The following CSMD1 variants were observed in gnomAD, a reference collection of about 807,000 sequenced individuals.
CSMD1 encodes the protein CUB and sushi domain-containing protein 1.
Under a neutral mutation model 417.5 loss-of-function variants are expected in CSMD1, and 213 were observed. The ratio of observed to expected loss-of-function variants is 0.51; its 90% CI spans 0.46 to 0.57. The LOEUF is 0.57. Ranked by LOEUF, CSMD1 falls within the 20% of genes least tolerant of loss-of-function variation. The pLI is 0.00. For synonymous variants in CSMD1, 2,862 were observed against 1,736.8 expected (o/e 1.65, Z -16.11); for missense variants, 6,923 against 4,529.7 (o/e 1.53, Z -15.17).
intron 49 of CSMD1, among the ~76,000 whole-genome samples, chr8:3,079,809 A>AT (rs532715879): frequency 0.021 from 3,179 of 149,856 alleles, 91 homozygotes; most frequent in African/African-American, 0.068. Flanking sequence ...ATAATGAGGC[A>AT]TTTTTTTTTT....
chr8:4,224,258 C>A (rs1486536237), intron 3 of CSMD1, among the ~76,000 whole-genome samples: 3 of 151,902 alleles, frequency 2.0e-5, no homozygotes, highest in African/African-American at 4.8e-5. Context: ...TTTGAAAATG[C>A]TTGCACACGT....
chr8:3,575,872 A>G (rs1227034357), intron 9 of CSMD1, among the ~76,000 whole-genome samples: 2 of 151,722 alleles, frequency 1.3e-5, no homozygotes. Context: ...CAATACACAT[A>G]TTTTAGAAAT....
At chr8:3,069,742 T>C (rs982759638) in intron 49 of CSMD1, among the ~76,000 whole-genome samples, 1 of 152,146 alleles carries the variant, frequency 6.6e-6, no homozygotes, top group Non-Finnish European at 1.5e-5. Flanking sequence ...AGTGATCCCT[T>C]CTCACAGCTC....
Position 4,551,575 on chromosome 8 carries a change from C to G in CSMD1, c.302+85767G>C, listed in dbSNP as rs550241351. On this transcript the variant is annotated intron_variant, in intron 2 of 69. Coordinates refer to ENST00000635120, the MANE Select transcript of CSMD1 (RefSeq NM_033225.6). ...GACTCTCTGCAGGTTCCAGGCACCA[C>G]CATGTCACCCCACACTCAAGATGCT... 7.2e-5 allele frequency among the ~76,000 whole-genome samples: 11 copies of G among 152,310 alleles called. 1 individual carries two copies. The South Asian group carries it at 1.7e-3, about 23-fold the overall frequency.
chr8:3,747,544 G>T lies in CSMD1; in HGVS notation c.931+6386C>A, dbSNP rs75548690. 4.9e-3 allele frequency among the ~76,000 whole-genome samples: 744 copies of T among 150,462 alleles called. 2 individuals are homozygous for T. Among genetic ancestry groups the T allele is most frequent in the Admixed American group, 8.6e-3 (130 of 15,092 alleles). ...ATTGTATGTGAGAGTCATCCATGTC[G>T]TTACATGTAGAGGCAGTTTGTCTCT... is the stretch of plus-strand genomic sequence containing the variant. On this transcript the variant is annotated intron_variant, in intron 6 of 69. Transcript: ENST00000635120.
chr8:4,805,259 T>C (rs1798522206), intron 1 of CSMD1, among the ~76,000 whole-genome samples: 1 of 152,248 alleles, frequency 6.6e-6, no homozygotes, highest in Non-Finnish European at 1.5e-5. Context: ...TGTCCATCTC[T>C]TTCATGGATG....
At chr8:4,897,477 T>A (rs1804573620) in intron 1 of CSMD1, among the ~76,000 whole-genome samples, 1 of 152,054 alleles carries the variant, frequency 6.6e-6, no homozygotes, top group African/African-American at 2.4e-5. Flanking sequence ...AAGGAGTGGT[T>A]TGGGTTGCTG....
Position 3,319,645 on chromosome 8 carries a change from A to G in CSMD1, c.3632-11142T>C, listed in dbSNP as rs574335999. On this transcript the variant is annotated intron_variant, in intron 23 of 69. Coordinates refer to ENST00000635120, the MANE Select transcript of CSMD1 (RefSeq NM_033225.6). Reference sequence around the variant, plus strand: ...TTCTGTGAAATTGAATTATATGATTATTTTTAAAGATGGGAGAATTCTCAG... The same window carrying G: ...TTCTGTGAAATTGAATTATATGATTGTTTTTAAAGATGGGAGAATTCTCAG... Among the ~76,000 whole-genome samples the G allele has an allele frequency of 6.6e-5, 10 of 152,256 alleles. 1 individual carries two copies. The South Asian group carries it at 1.9e-3, about 28-fold the overall frequency.
intron 3 of CSMD1, among the ~76,000 whole-genome samples, chr8:4,134,944 C>T (rs1803327013): frequency 6.6e-6 from 1 of 152,100 alleles, no homozygotes; most frequent in Non-Finnish European, 1.5e-5. Flanking sequence ...ATTCCTCAAC[C>T]AACACATCTG....
chr8:3,247,312 C>T (rs1287865085), intron 26 of CSMD1, among the ~76,000 whole-genome samples: 1 of 152,196 alleles, frequency 6.6e-6, no homozygotes, highest in South Asian at 2.1e-4. Flanking sequence ...AATTCTGCTA[C>T]CTGGACGCAG....
intron 5 of CSMD1, among the ~76,000 whole-genome samples, chr8:3,861,047 C>T (rs575774024): frequency 1.0e-3 from 154 of 152,192 alleles, no homozygotes; most frequent in Non-Finnish European, 1.8e-3. Flanking sequence ...TCTTAATTTG[C>T]TCCTCTCCCC....
intron 1 of CSMD1, among the ~76,000 whole-genome samples, chr8:4,735,328 C>A (rs977201305): frequency 6.6e-6 from 1 of 152,162 alleles, no homozygotes. Flanking sequence ...ACCAAGTTAC[C>A]AAGCCAGGAT....
chr8:4,015,683 A>AC (rs1554516929), intron 4 of CSMD1, among the ~76,000 whole-genome samples: 8 of 147,172 alleles, frequency 5.4e-5, no homozygotes, highest in African/African-American at 1.6e-4. Context: ...AAAAAAAAAA[A>AC]CTCAAGACAG....
chr8:4,889,428 G>T (rs13267077), intron 1 of CSMD1, among the ~76,000 whole-genome samples: 67,875 of 151,826 alleles, frequency 0.45, 15,432 homozygotes, highest in South Asian at 0.57. Context: ...GCTGGGAAAA[G>T]TAGCCAAAAT....
chr8:3,585,953 T>G (rs1408098051), intron 9 of CSMD1, among the ~76,000 whole-genome samples, 183 bp downstream of exon 9: 1 of 152,192 alleles, frequency 6.6e-6, no homozygotes, highest in Non-Finnish European at 1.5e-5. Context: ...CTTGGAAATG[T>G]TAGCCTCTCA....
At chr8:4,016,151 G>A (rs1357004460) in intron 4 of CSMD1, among the ~76,000 whole-genome samples, 2 of 152,128 alleles carry the variant, frequency 1.3e-5, no homozygotes, top group African/African-American at 2.4e-5. Flanking sequence ...AGATAGGATT[G>A]CATAAAAGCA....
chr8:3,918,169 T>G (rs1446479965), intron 5 of CSMD1, among the ~76,000 whole-genome samples: 1 of 152,088 alleles, frequency 6.6e-6, no homozygotes, highest in African/African-American at 2.4e-5. Context: ...AGTGAAAGTG[T>G]GTGTTCAAAA....
chr8:3,521,693 A>G (rs1220034405), intron 10 of CSMD1, among the ~76,000 whole-genome samples: 2 of 152,214 alleles, frequency 1.3e-5, no homozygotes, highest in East Asian at 3.8e-4. Flanking sequence ...AAGGTCATCA[A>G]CCATGACCAG....
At chr8:4,198,869 C>A in intron 3 of CSMD1, among the ~76,000 whole-genome samples, 1 of 152,154 alleles carries the variant, frequency 6.6e-6, no homozygotes, top group Middle Eastern at 3.4e-3. Flanking sequence ...TCACGTATTT[C>A]CCCTTCCTTT....
Sources: gnomAD v4.1 joint callset for allele counts (sites outside exome capture counted in the v4.1 genomes callset) on GRCh38, gnomAD v4.1.1 for gene constraint, MANE v1.5 for transcripts, NCBI Gene and HGNC (gene_info 2026-07-23, HGNC 2026-07-21) for gene names.